The following SLCO5A1 variants were observed in gnomAD, a reference collection of about 807,000 sequenced individuals.
SLCO5A1 encodes the protein organic anion transporter polypeptide-related protein 4.
Under a neutral mutation model 65.1 loss-of-function variants are expected in SLCO5A1, and 39 were observed. The ratio of observed to expected loss-of-function variants is 0.60; its 90% CI spans 0.46 to 0.78. The LOEUF is 0.78. Ranked by LOEUF, SLCO5A1 falls within the 30% of genes least tolerant of loss-of-function variation. SLCO5A1 has a pLI of 0.00. For synonymous variants in SLCO5A1, 438 were observed against 415.7 expected (o/e 1.05, Z -0.65); for missense variants, 1,029 against 1,069.4 (o/e 0.96, Z 0.53).
intron 2 of SLCO5A1, among the ~76,000 whole-genome samples, chr8:69,828,509 G>A (rs538271570): frequency 2.8e-4 from 43 of 152,112 alleles, no homozygotes; most frequent in South Asian, 1.9e-3. Flanking sequence ...GGCTGAGGCA[G>A]GAGAATGGCG....
Position 69,730,431 on chromosome 8 carries a change from G to A in SLCO5A1, c.1423+7609C>T, listed in dbSNP as rs113963313. ...TTATTTAATCTAAGATTTTAGGGAA[G>A]GAAGAATTATAGAGTTCATTTCAGT... On this transcript the variant is annotated intron_variant, in intron 5 of 9. Transcript: ENST00000260126. Among the ~76,000 whole-genome samples, 35 of 152,300 alleles carry A rather than the reference G, an allele frequency of 2.3e-4. 2 individuals are homozygous for A. The highest frequency in any genetic ancestry group is 7.2e-4 in the African/African-American group (30 of 41,562).
intron 5 of SLCO5A1, among the ~76,000 whole-genome samples, chr8:69,711,330 A>C (rs936757476): frequency 2.6e-5 from 4 of 151,162 alleles, no homozygotes; most frequent in Non-Finnish European, 2.9e-5. Context: ...TGCGCACCTC[A>C]CCTCTCTGCG....
intron 6 of SLCO5A1, among the ~76,000 whole-genome samples, chr8:69,688,414 C>T (rs972788393): frequency 6.6e-6 from 1 of 151,902 alleles, no homozygotes; most frequent in Non-Finnish European, 1.5e-5. Context: ...TATACATGTG[C>T]CATGCTGGTG....
intron 4 of SLCO5A1, among the ~76,000 whole-genome samples, chr8:69,749,385 G>A (rs1040922714): frequency 2.0e-5 from 3 of 152,106 alleles, no homozygotes; most frequent in South Asian, 4.1e-4. Flanking sequence ...TTGGGAGGCC[G>A]AGGCAATGGA....
At chr8:69,820,716 C>T (rs550847623) in intron 2 of SLCO5A1, among the ~76,000 whole-genome samples, 1 of 151,994 alleles carries the variant, frequency 6.6e-6, no homozygotes, top group East Asian at 1.9e-4. Flanking sequence ...AAATATTTTT[C>T]CGTACAATAT....
chr8:69,762,341 C>G (rs1817836197), intron 2 of SLCO5A1, among the ~76,000 whole-genome samples: 1 of 152,036 alleles, frequency 6.6e-6, no homozygotes, highest in Non-Finnish European at 1.5e-5. Context: ...CGCCCGCCAC[C>G]ACACCCAGCT....
At chr8:69,743,212 A>T (rs952419486) in intron 4 of SLCO5A1, among the ~76,000 whole-genome samples, 1 of 152,206 alleles carries the variant, frequency 6.6e-6, no homozygotes, top group African/African-American at 2.4e-5. Context: ...TCACAGCATG[A>T]TATAAGGCAG....
At chr8:69,831,125 A>G (rs1437055643) in intron 2 of SLCO5A1, among the ~76,000 whole-genome samples, 1 of 152,142 alleles carries the variant, frequency 6.6e-6, no homozygotes, top group African/African-American at 2.4e-5. Flanking sequence ...TTAGCCAGGC[A>G]TGATGGGTAC....
At chr8:69,688,061 C>T (rs1165445353) in intron 6 of SLCO5A1, among the ~76,000 whole-genome samples, 1 of 151,798 alleles carries the variant, frequency 6.6e-6, no homozygotes, top group Non-Finnish European at 1.5e-5. Context: ...TCAAACTTGG[C>T]AGAAAGAAAA....
chr8:69,756,036 CT>C (rs33960552), intron 3 of SLCO5A1, among the ~76,000 whole-genome samples: 11,648 of 151,962 alleles, frequency 0.077, 769 homozygotes, highest in African/African-American at 0.17. Context: ...CCAATATAGA[CT>C]TTTTTTTGTC....
intron 6 of SLCO5A1, among the ~76,000 whole-genome samples, chr8:69,699,921 C>T (rs1489528386): frequency 6.6e-6 from 1 of 152,130 alleles, no homozygotes; most frequent in Non-Finnish European, 1.5e-5. Context: ...AAGCTCAAGA[C>T]CAGCCTGGGC....
intron 2 of SLCO5A1, among the ~76,000 whole-genome samples, chr8:69,798,078 A>G (rs1284080913): frequency 1.3e-5 from 2 of 152,154 alleles, no homozygotes; most frequent in African/African-American, 4.8e-5. Flanking sequence ...TTTACTTCTC[A>G]GACCAGCCGA....
intron 6 of SLCO5A1, among the ~76,000 whole-genome samples, chr8:69,698,470 C>A (rs574351900): frequency 1.1e-3 from 173 of 152,310 alleles, no homozygotes; most frequent in African/African-American, 4.0e-3. Flanking sequence ...TACACTCCCA[C>A]CAGCAGTGTA....
In SLCO5A1 at chr8:69,784,601, A is replaced by G. The variant is rs368131305; in HGVS notation, c.908-22726T>C. Among the ~76,000 whole-genome samples the G allele has an allele frequency of 2.9e-3, 445 of 152,116 alleles. 3 individuals are homozygous for G. Among genetic ancestry groups the G allele is most frequent in the African/African-American group, 0.01 (419 of 41,470 alleles). ...TCAGGAGTTTGAGACCAGCCTAGCC[A>G]ACATGGTGAAACCCCATCTCTACTA... On this transcript the variant is annotated intron_variant, in intron 2 of 9. Coordinates refer to ENST00000260126, the MANE Select transcript of SLCO5A1 (RefSeq NM_030958.3).
At chr8:69,827,756 C>T (rs1257976812) in intron 2 of SLCO5A1, among the ~76,000 whole-genome samples, 2 of 152,210 alleles carry the variant, frequency 1.3e-5, no homozygotes, top group African/African-American at 4.8e-5. Flanking sequence ...GGAAAGGTCT[C>T]ACATCATAAT....
At chr8:69,750,914 A>C (rs1035855362) in intron 4 of SLCO5A1, among the ~76,000 whole-genome samples, 1 of 152,228 alleles carries the variant, frequency 6.6e-6, no homozygotes, top group African/African-American at 2.4e-5. Flanking sequence ...TAGAGTGAAC[A>C]TTCAGTGAAT....
chr8:69,729,392 C>G (rs1423343019), intron 5 of SLCO5A1, among the ~76,000 whole-genome samples: 1 of 133,282 alleles, frequency 7.5e-6, no homozygotes, highest in South Asian at 2.4e-4. Flanking sequence ...TGCAGTGAGC[C>G]GAGATCGTGC....
chr8:69,739,619 A>G (rs1816711900), intron 4 of SLCO5A1, among the ~76,000 whole-genome samples: 1 of 152,178 alleles, frequency 6.6e-6, no homozygotes, highest in Non-Finnish European at 1.5e-5. Flanking sequence ...TTTGAAACTT[A>G]GAAAGTTAAG....
chr8:69,694,037 C>T (rs570833998), intron 6 of SLCO5A1, among the ~76,000 whole-genome samples: 17 of 152,338 alleles, frequency 1.1e-4, no homozygotes, highest in East Asian at 3.9e-4. Context: ...GCATGTAGCA[C>T]GATGCCTGTA....
Sources: gnomAD v4.1 joint callset for allele counts (sites outside exome capture counted in the v4.1 genomes callset) on GRCh38, gnomAD v4.1.1 for gene constraint, MANE v1.5 for transcripts, NCBI Gene and HGNC (gene_info 2026-07-23, HGNC 2026-07-21) for gene names.